The following UBTD1 variants were observed in gnomAD, a reference collection of about 807,000 sequenced individuals.
UBTD1 encodes the protein ubiquitin domain-containing protein 1.
UBTD1 carries 19 observed loss-of-function variants against 21.7 expected under a neutral mutation model. The ratio of observed to expected loss-of-function variants is 0.87; its 90% confidence interval spans 0.61 to 1.28. UBTD1 has a LOEUF of 1.28. Among genes scored for constraint, UBTD1 ranks in the 50% most tolerant of loss-of-function variants. The probability of loss-of-function intolerance (pLI) is 0.00; values close to 1 mark genes in which losing one functional copy is unlikely to be tolerated. For missense variants in UBTD1, 282 were observed against 315.1 expected, an observed-to-expected ratio of 0.89 and a Z score of 0.80; for synonymous variants, 116 against 135.1, an observed-to-expected ratio of 0.86 and a Z score of 0.98.
chr10:97,552,544 C>T (rs1033770147), intron 1 of UBTD1, among the ~76,000 whole-genome samples: 3 of 151,910 alleles, frequency 2.0e-5, no homozygotes, highest in African/African-American at 7.3e-5. Context: ...TGCAGGCGCG[C>T]ACCACCAAGC....
chr10:97,567,766 A>G (rs984672324), intron 1 of UBTD1, 148 bp from the exon 2 acceptor site: 1 of 714,696 alleles, frequency 1.4e-6, no homozygotes, highest in African/African-American at 1.8e-5. Context: ...CTTCCCTGCT[A>G]TTTAGGAAGG....
chr10:97,507,746 A>C (rs1382541886), intron 1 of UBTD1, among the ~76,000 whole-genome samples: 5 of 147,068 alleles, frequency 3.4e-5, no homozygotes, highest in African/African-American at 1.0e-4. Context: ...ACTGCACTCA[A>C]GCCTAACGAC....
At chr10:97,502,869 ATATATGTATATATATACG>A (rs2040382465) in intron 1 of UBTD1, among the ~76,000 whole-genome samples, 5 of 145,666 alleles carry the variant, frequency 3.4e-5, no homozygotes, top group African/African-American at 1.3e-4. Context: ...ATATATACGT[ATATATGTATATATATACG>A]TATATATATG....
At chr10:97,530,995 C>T (rs1000295590) in intron 1 of UBTD1, among the ~76,000 whole-genome samples, 1 of 151,928 alleles carries the variant, frequency 6.6e-6, no homozygotes, top group Non-Finnish European at 1.5e-5. Context: ...TCATGCCATT[C>T]TCCTGCCTCA....
intron 1 of UBTD1, among the ~76,000 whole-genome samples, chr10:97,500,489 C>T (rs769534958): frequency 8.5e-5 from 13 of 152,222 alleles, no homozygotes; most frequent in Non-Finnish European, 1.6e-4. Flanking sequence ...GAAGGTAACT[C>T]TGGCCATTCT....
intron 1 of UBTD1, among the ~76,000 whole-genome samples, chr10:97,555,398 C>G (rs531321370): frequency 4.6e-5 from 7 of 152,252 alleles, no homozygotes; most frequent in Admixed American, 4.6e-4. Context: ...TTTGATTAAC[C>G]TGGTTTTGAT....
intron 1 of UBTD1, among the ~76,000 whole-genome samples, chr10:97,524,774 ACAT>A (rs2040480984): frequency 6.6e-6 from 1 of 152,180 alleles, no homozygotes; most frequent in Non-Finnish European, 1.5e-5. Context: ...AGTTGCTGCC[ACAT>A]CATAGAACAT....
At chr10:97,556,536 T>C (rs2040664857) in intron 1 of UBTD1, among the ~76,000 whole-genome samples, 1 of 152,264 alleles carries the variant, frequency 6.6e-6, no homozygotes, top group Non-Finnish European at 1.5e-5. Flanking sequence ...AATATCCCCA[T>C]GAGCCATCTT....
intron 1 of UBTD1, among the ~76,000 whole-genome samples, chr10:97,506,882 C>T (rs2040401812): frequency 6.6e-6 from 1 of 152,172 alleles, no homozygotes; most frequent in African/African-American, 2.4e-5. Flanking sequence ...TATGTATATA[C>T]CACATTTTGC....
At chr10:97,517,945 G>A (rs558653334) in intron 1 of UBTD1, among the ~76,000 whole-genome samples, 1 of 152,282 alleles carries the variant, frequency 6.6e-6, no homozygotes, top group African/African-American at 2.4e-5. Context: ...GGCAAGTGAA[G>A]AGGCCATAGG....
At chr10:97,507,474 TAA>T (rs918575919) in intron 1 of UBTD1, among the ~76,000 whole-genome samples, 3 of 139,122 alleles carry the variant, frequency 2.2e-5, no homozygotes, top group Non-Finnish European at 3.1e-5. Context: ...TCGTCTCTAT[TAA>T]AAAAAAAAAA....
chr10:97,567,873 T>C, intron 1 of UBTD1, 41 bp from the exon 2 acceptor site: 1 of 1,604,328 alleles, frequency 6.2e-7, no homozygotes, highest in Non-Finnish European at 8.5e-7. Flanking sequence ...GCAGCTCAAG[T>C]GGCTTTAGAG....
At chr10:97,569,595 T>C (rs1199366104) in intron 2 of UBTD1, among the ~76,000 whole-genome samples, 1 of 152,174 alleles carries the variant, frequency 6.6e-6, no homozygotes, top group African/African-American at 2.4e-5. Flanking sequence ...TGTAACAAAA[T>C]ACCACATGCT....
At chr10:97,506,120 C>T (rs1438636193) in intron 1 of UBTD1, among the ~76,000 whole-genome samples, 1 of 152,022 alleles carries the variant, frequency 6.6e-6, no homozygotes. Context: ...TGTTACCTCC[C>T]AAAGAAGAGA....
chr10:97,549,815 C>G (rs567345081), intron 1 of UBTD1, among the ~76,000 whole-genome samples: 13 of 152,360 alleles, frequency 8.5e-5, no homozygotes, highest in Middle Eastern at 3.4e-3. Flanking sequence ...TGGGCCAGCA[C>G]TTTCCCTTCA....
Position 97,499,082 on chromosome 10 carries a change from G to C in UBTD1, c.-122G>C, listed in dbSNP as rs1232062921. ...ATCGCTGGGGCTGAGCGCGCCCCCG[G>C]GGGGAGATCGGGGAGCGCCCGATGC... On this transcript the variant is annotated 5_prime_UTR_variant, in exon 1 of 3. Transcript: ENST00000370664. The C allele has an allele frequency of 1.8e-5, 21 of 1,143,066 alleles. No homozygotes were observed. The East Asian group carries it at 4.5e-4, about 24-fold the overall frequency. The allele number at this position is 1,143,066 out of a possible 1,614,324, so 70.8% of individuals were successfully genotyped here. A position where few individuals can be genotyped will look rare whatever the true frequency, so the allele number is the denominator to read the frequency against.
At chr10:97,537,119 A>G (rs1306948411) in intron 1 of UBTD1, among the ~76,000 whole-genome samples, 1 of 147,784 alleles carries the variant, frequency 6.8e-6, no homozygotes, top group Non-Finnish European at 1.5e-5. Context: ...ACACACTTTA[A>G]GGTAATTAGA....
At chr10:97,505,720 C>T (rs952874062) in intron 1 of UBTD1, among the ~76,000 whole-genome samples, 1 of 152,112 alleles carries the variant, frequency 6.6e-6, no homozygotes, top group Non-Finnish European at 1.5e-5. Flanking sequence ...CCCATTTGTG[C>T]CATGAGGTGA....
chr10:97,559,875 CATTA>C (rs2040684686), intron 1 of UBTD1, among the ~76,000 whole-genome samples: 1 of 152,162 alleles, frequency 6.6e-6, no homozygotes, highest in South Asian at 2.1e-4. Flanking sequence ...ACTTTTAAAA[CATTA>C]ATTTTTTTAA....
Sources: allele counts gnomAD v4.1 joint callset (sites outside exome capture counted in the v4.1 genomes callset), GRCh38; gene constraint gnomAD v4.1.1; transcripts MANE v1.5; gene names NCBI Gene and HGNC (gene_info 2026-07-23, HGNC 2026-07-21).